The following TENM2 variants were observed in gnomAD, a reference collection of about 807,000 sequenced individuals.
The protein encoded by TENM2 is teneurin-2.
In TENM2, 52 loss-of-function variants were observed where a neutral mutation model predicts 245.2. The observed-to-expected ratio is 0.21, with a 90% CI of 0.17 to 0.27. The LOEUF is 0.27. Among genes scored for constraint, TENM2 ranks in the 10% least tolerant of loss-of-function variants. The pLI, the probability that TENM2 is intolerant of heterozygous loss-of-function variation, is 1.00. For missense variants in TENM2, 3,046 were observed against 3,666.8 expected, an observed-to-expected ratio of 0.83 and a Z score of 4.37; for synonymous variants, 1,363 against 1,438.9, an observed-to-expected ratio of 0.95 and a Z score of 1.19.
chr5:167,246,772 C>T, the TENM2 span, among the ~76,000 whole-genome samples: 72 of 151,774 alleles, frequency 4.7e-4, 1 homozygote, highest in East Asian at 0.013. Flanking sequence ...TGTTGGTTGG[C>T]GCGGGGTGTG....
chr5:168,093,548 G>T (rs941005526), intron 8 of TENM2, among the ~76,000 whole-genome samples: 16 of 152,156 alleles, frequency 1.1e-4, no homozygotes, highest in African/African-American at 2.9e-4. Context: ...TGTTAGACAG[G>T]TGCCTACCAG....
At chr5:167,656,459 G>T (rs1250738309) in intron 2 of TENM2, among the ~76,000 whole-genome samples, 2 of 152,160 alleles carry the variant, frequency 1.3e-5, no homozygotes, top group African/African-American at 2.4e-5. Flanking sequence ...GTGAGCAAAG[G>T]CATGGTGGAA....
At chr5:168,047,386 A>G (rs1429244841) in intron 5 of TENM2, 41 bp from the exon 8 acceptor site, 1 of 1,551,214 alleles carries the variant, frequency 6.4e-7, no homozygotes, top group Non-Finnish European at 8.7e-7. Flanking sequence ...TGCATTGCTG[A>G]ATTATCTATT....
chr5:167,341,212 G>C (rs1210144880), intron 1 of TENM2, among the ~76,000 whole-genome samples: 1 of 152,146 alleles, frequency 6.6e-6, no homozygotes, highest in African/African-American at 2.4e-5. Context: ...TAGTTTAATT[G>C]TGTGATTAAA....
At chr5:167,627,489 C>T (rs1469909963) in intron 2 of TENM2, among the ~76,000 whole-genome samples, 1 of 151,914 alleles carries the variant, frequency 6.6e-6, no homozygotes, top group Admixed American at 6.6e-5. Flanking sequence ...TTTGATACAC[C>T]CCAGTAAGTC....
chr5:167,549,216 G>T (rs900823085), intron 2 of TENM2, among the ~76,000 whole-genome samples: 3 of 152,026 alleles, frequency 2.0e-5, no homozygotes, highest in African/African-American at 7.2e-5. Flanking sequence ...CACCAACCCC[G>T]AATCTATAAG....
exon 25 of TENM2, chr5:168,227,934 C>A: frequency 6.2e-7 from 1 of 1,613,104 alleles, no homozygotes; most frequent in Admixed American, 1.7e-5. Flanking sequence ...AATAATGGTA[C>A]CCTGAGGGTG....
intron 3 of TENM2, among the ~76,000 whole-genome samples, chr5:167,932,288 A>T (rs1736531033): frequency 6.6e-6 from 1 of 152,112 alleles, no homozygotes; most frequent in Admixed American, 6.5e-5. Context: ...TTTTCTCCTC[A>T]GTTGTGTCTT....
At chr5:167,330,194 CATA>C (rs1220920919) in intron 1 of TENM2, among the ~76,000 whole-genome samples, 2 of 152,124 alleles carry the variant, frequency 1.3e-5, no homozygotes, top group Admixed American at 1.3e-4. Flanking sequence ...AAAGTGTTGT[CATA>C]ATTATAATAG....
chr5:168,017,640 C>A (rs982661176), intron 5 of TENM2, among the ~76,000 whole-genome samples: 2 of 152,174 alleles, frequency 1.3e-5, no homozygotes, highest in African/African-American at 4.8e-5. Flanking sequence ...AAGCAGGCTG[C>A]CCCGTTGGGA....
intron 9 of TENM2, among the ~76,000 whole-genome samples, chr5:168,108,477 T>C (rs952022146): frequency 6.6e-6 from 1 of 152,172 alleles, no homozygotes; most frequent in African/African-American, 2.4e-5. Flanking sequence ...GTCCAAAAAG[T>C]AAATACATGG....
intron 2 of TENM2, among the ~76,000 whole-genome samples, chr5:167,722,378 A>T (rs1019611631): frequency 6.6e-6 from 1 of 152,222 alleles, no homozygotes; most frequent in African/African-American, 2.4e-5. Context: ...ATAAGTAGGT[A>T]GATAGATTGA....
intron 23 of TENM2, among the ~76,000 whole-genome samples, chr5:168,221,870 G>A (rs1422007258): frequency 6.6e-6 from 1 of 152,168 alleles, no homozygotes; most frequent in Non-Finnish European, 1.5e-5. Flanking sequence ...TCTGCCACAT[G>A]CTTACTGATT....
intron 2 of TENM2, among the ~76,000 whole-genome samples, chr5:167,529,535 A>C (rs1438402040): frequency 6.6e-6 from 1 of 152,168 alleles, no homozygotes; most frequent in African/African-American, 2.4e-5. Flanking sequence ...TTTGTAGAGT[A>C]ACCAGCATAT....
chr5:167,070,144 G>C, the TENM2 span, among the ~76,000 whole-genome samples: 3 of 66,116 alleles, frequency 4.5e-5, no homozygotes, highest in African/African-American at 2.2e-4. Context: ...TTGAGACAGA[G>C]TCTCACTCTG....
At chr5:167,737,350 C>A (rs756673305) in intron 2 of TENM2, among the ~76,000 whole-genome samples, 1 of 152,150 alleles carries the variant, frequency 6.6e-6, no homozygotes, top group Non-Finnish European at 1.5e-5. Flanking sequence ...AGAGCGCCGG[C>A]GGCTACCAAG....
intron 25 of TENM2, among the ~76,000 whole-genome samples, chr5:168,242,266 C>A (rs1343597317): frequency 6.6e-6 from 1 of 152,168 alleles, no homozygotes; most frequent in Non-Finnish European, 1.5e-5. Context: ...AGCTGTTTCC[C>A]AGAATGCAAG....
chr5:166,995,824 A>C, the TENM2 span, among the ~76,000 whole-genome samples: 10 of 150,362 alleles, frequency 6.7e-5, no homozygotes, highest in Non-Finnish European at 1.5e-4. Context: ...CAAAAAAAAA[A>C]AAAAAAAAAA....
chr5:167,887,878 C>T (rs1774417383), intron 3 of TENM2, among the ~76,000 whole-genome samples: 1 of 152,144 alleles, frequency 6.6e-6, no homozygotes, highest in Admixed American at 6.5e-5. Flanking sequence ...AGGGAAGAGT[C>T]CTTCCTTGCC....
Sources: allele counts gnomAD v4.1 joint callset (sites outside exome capture counted in the v4.1 genomes callset), GRCh38; gene constraint gnomAD v4.1.1; transcripts MANE v1.5; gene names NCBI Gene and HGNC (gene_info 2026-07-23, HGNC 2026-07-21).